KRABD2: variants seen among roughly 807,000 people sequenced by gnomAD.
KRABD2 encodes KRAB domain-containing protein 2.
the KRABD2 span, chr17:8,369,388 C>T: frequency 6.2e-7 from 1 of 1,614,250 alleles, no homozygotes; most frequent in Non-Finnish European, 8.5e-7. Flanking sequence ...AACATTGCCT[C>T]AAATGGACTT....
the KRABD2 span, chr17:8,369,031 G>C: frequency 1.3e-6 from 2 of 1,482,828 alleles, no homozygotes; most frequent in Non-Finnish European, 1.8e-6. Context: ...AACTTGACCT[G>C]AGAGTGCAGC....
At chr17:8,359,642 A>G in the KRABD2 span, 4 of 456,010 alleles carry the variant, frequency 8.8e-6, no homozygotes, top group Non-Finnish European at 1.3e-5. Flanking sequence ...AGTGGATTTC[A>G]GAGAGGCTCT....
At chr17:8,368,372 TTTA>T in the KRABD2 span, among the ~76,000 whole-genome samples, 2 of 152,144 alleles carry the variant, frequency 1.3e-5, no homozygotes, top group Admixed American at 1.3e-4. Flanking sequence ...GGTCTGTGTA[TTTA>T]TTCTTAGGGC....
At chr17:8,363,988 C>T in the KRABD2 span, among the ~76,000 whole-genome samples, 1 of 151,492 alleles carries the variant, frequency 6.6e-6, no homozygotes, top group African/African-American at 2.4e-5. Context: ...CCTGCCTCAG[C>T]CTCCTGAGTA....
the KRABD2 span, among the ~76,000 whole-genome samples, chr17:8,365,299 T>C: frequency 1.3e-5 from 2 of 151,404 alleles, no homozygotes; most frequent in East Asian, 3.9e-4. Context: ...CCCACAGGAG[T>C]TGATGATGTG....
chr17:8,367,499 CAA>C, the KRABD2 span, among the ~76,000 whole-genome samples: 9 of 101,722 alleles, frequency 8.8e-5, no homozygotes, highest in Non-Finnish European at 1.0e-4. Context: ...ATTCTGTCTC[CAA>C]AAAAAAAAAA....
the KRABD2 span, chr17:8,359,739 G>A: frequency 2.2e-6 from 1 of 456,050 alleles, no homozygotes; most frequent in Non-Finnish European, 4.4e-6. Flanking sequence ...ACCCCATTCA[G>A]GGCAGAAAGG....
At chr17:8,371,159 G>A in the KRABD2 span, 2 of 636,924 alleles carry the variant, frequency 3.1e-6, no homozygotes, top group Non-Finnish European at 5.3e-6. Context: ...GACAAAGCGA[G>A]ACTGTTTCAA....
the KRABD2 span, among the ~76,000 whole-genome samples, chr17:8,370,911 G>A: frequency 6.6e-6 from 1 of 152,168 alleles, no homozygotes; most frequent in Non-Finnish European, 1.5e-5. Context: ...GCTCACGCCT[G>A]TAATCCCAGC....
At chr17:8,370,153 G>A in the KRABD2 span, 33 of 1,613,890 alleles carry the variant, frequency 2.0e-5, no homozygotes, top group South Asian at 1.3e-4. Context: ...CGATAATCAC[G>A]TGATGACTTC....
At chr17:8,372,904 TAAAAA>T in the KRABD2 span, among the ~76,000 whole-genome samples, 1 of 149,704 alleles carries the variant, frequency 6.7e-6, no homozygotes, top group African/African-American at 2.5e-5. This position sits in a 1 kb window ranked among gnomAD's most constrained non-coding sequence, Gnocchi z 4.1. Context: ...TCTCTAAAAA[TAAAAA>T]AAAGAAAAAA....
chr17:8,362,283 T>C, the KRABD2 span, among the ~76,000 whole-genome samples: 8 of 151,902 alleles, frequency 5.3e-5, no homozygotes, highest in African/African-American at 1.7e-4. This position sits in a 1 kb window ranked among gnomAD's most constrained non-coding sequence, Gnocchi z 4.2. Context: ...TGAGCCAAGA[T>C]TGCGCCACTG....
chr17:8,371,981 G>C, the KRABD2 span: 1 of 986,556 alleles, frequency 1.0e-6, no homozygotes, highest in South Asian at 4.7e-5. Flanking sequence ...GATGAGGCCA[G>C]GGGAGTTCAC....
chr17:8,367,826 C>G, the KRABD2 span, among the ~76,000 whole-genome samples: 4 of 151,750 alleles, frequency 2.6e-5, no homozygotes, highest in Non-Finnish European at 4.4e-5. Flanking sequence ...CAAAGCACAT[C>G]TTGCACCGCC....
chr17:8,376,602 G>C, the KRABD2 span: 1 of 986,016 alleles, frequency 1.0e-6, no homozygotes, highest in African/African-American at 1.7e-5. Context: ...GCGCGCGGTG[G>C]AGAAAAGAGC....
the KRABD2 span, among the ~76,000 whole-genome samples, chr17:8,367,783 T>A: frequency 6.6e-6 from 1 of 152,066 alleles, no homozygotes; most frequent in Admixed American, 6.6e-5. Context: ...TGATGACTCT[T>A]AAGGAGCATG....
At chr17:8,376,598 G>C in the KRABD2 span, 1 of 985,922 alleles carries the variant, frequency 1.0e-6, no homozygotes, top group Admixed American at 6.1e-5. Flanking sequence ...GCGGGCGCGC[G>C]GTGGAGAAAA....
chr17:8,366,753 G>A, the KRABD2 span, among the ~76,000 whole-genome samples: 1 of 151,132 alleles, frequency 6.6e-6, no homozygotes, highest in African/African-American at 2.4e-5. Flanking sequence ...ATAGAGCCTT[G>A]CTCTGTCGCC....
the KRABD2 span, chr17:8,365,495 C>T: frequency 6.6e-6 from 1 of 152,214 alleles, no homozygotes; most frequent in East Asian, 1.9e-4. Flanking sequence ...CCCCCCAAAA[C>T]AAGCTGGAAA....
Sources: allele counts gnomAD v4.1 joint callset (sites outside exome capture counted in the v4.1 genomes callset), GRCh38; gene constraint gnomAD v4.1.1; non-coding constraint Gnocchi (gnomAD v3.1); transcripts MANE v1.5; gene names NCBI Gene and HGNC (gene_info 2026-07-23, HGNC 2026-07-21).